Variants in RARS1 observed in about 807,000 individuals in gnomAD.
RARS1 encodes arginyl-tRNA synthetase 1, also known as arginine--tRNA ligase, cytoplasmic.
Under a neutral mutation model 78.7 loss-of-function variants are expected in RARS1, and 75 were observed. That is an observed-to-expected ratio of 0.95 (90% confidence interval 0.79 to 1.15). RARS1 has a LOEUF of 1.15. RARS1 is among the 50% of genes most tolerant of loss of function. The pLI is 0.00. For missense variants in RARS1, 787 were observed against 787.5 expected (o/e 1.00, Z 0.01); for synonymous variants, 273 against 268.2 (o/e 1.02, Z -0.18).
rs17633733 is a variant in RARS1, at chr5:168,500,536, A to T, written c.823-55A>T. 231,349 of 1,353,256 alleles carry T rather than the reference A, an allele frequency of 0.17. 21,409 individuals are homozygous for T. Among genetic ancestry groups the T allele is most frequent in the Non-Finnish European group, 0.19 (198,793 of 1,047,052 alleles). The allele number at this position is 1,353,256 out of a possible 1,614,324, so 83.8% of individuals were successfully genotyped here. ...AAATGTGTAAGTTCTTTTTCTAGAA[A>T]TACAGGATTAGATCTTTTTACACAC... On this transcript the variant is annotated intron_variant, in intron 7 of 14. Transcript: ENST00000231572.
rs1050741965 is a variant in RARS1 at position 168,514,631 on chromosome 5, A to C, written c.1453-2147A>C. The stretch of plus-strand genomic sequence containing the variant: ...CTTTCATTTAGTATCCCCAGATACT[A>C]ATATCTTTCATAGCTATATAGTATG... On this transcript the variant is annotated intron_variant, in intron 12 of 14. Coordinates refer to ENST00000231572, the MANE Select transcript of RARS1 (RefSeq NM_002887.4). Among the ~76,000 whole-genome samples the C allele has an allele frequency of 4.8e-4, 73 of 152,362 alleles. 1 individual carries two copies. The highest frequency in any genetic ancestry group is 1.7e-3 in the African/African-American group (69 of 41,584).
chr5:168,505,482 A>G (rs946766348), intron 9 of RARS1, among the ~76,000 whole-genome samples: 1 of 152,226 alleles, frequency 6.6e-6, no homozygotes, highest in Non-Finnish European at 1.5e-5. Context: ...GATCACTATA[A>G]GAATTGCAGC....
chr5:168,518,075 T>TTTTTTTTTTTTTTTTTTTG lies in RARS1; in HGVS notation c.1873+31_1873+32insGTTTTTTTTTTTTTTTTTT, dbSNP rs1758712117. On this transcript the variant is annotated intron_variant, in intron 14 of 14. Coordinates refer to ENST00000231572, the MANE Select transcript of RARS1 (RefSeq NM_002887.4). Reference sequence around the variant, plus strand: ...GATAGACAGACTGGTGAGTGTCTTTTTTTTTTTTTTTTTTTTTTTTAGTGA... The same window carrying TTTTTTTTTTTTTTTTTTTG: ...GATAGACAGACTGGTGAGTGTCTTTTTTTTTTTTTTTTTTTTTTGTTTTTTTTTTTTTTTTTTTTAGTGA... 2 of 1,068,910 alleles carry TTTTTTTTTTTTTTTTTTTG rather than the reference T, an allele frequency of 1.9e-6. 1 individual carries two copies. Among genetic ancestry groups the TTTTTTTTTTTTTTTTTTTG allele is most frequent in the Non-Finnish European group, 2.4e-6 (2 of 819,560 alleles). 66.2% of individuals were successfully genotyped at this position (1,068,910 alleles called of 1,614,324 possible). A position where few individuals can be genotyped will look rare whatever the true frequency, so the allele number is the denominator to read the frequency against.
At chr5:168,506,660 C>A in intron 10 of RARS1, 62 bp from the exon 11 acceptor site, 1 of 1,255,060 alleles carries the variant, frequency 8.0e-7, no homozygotes, top group Non-Finnish European at 1.1e-6. Flanking sequence ...AGCAAAAGAG[C>A]CTTAAGTCTT....
chr5:168,514,950 G>A (rs990711550), intron 12 of RARS1, among the ~76,000 whole-genome samples: 1 of 151,970 alleles, frequency 6.6e-6, no homozygotes, highest in East Asian at 1.9e-4. Flanking sequence ...TGTTAATTCT[G>A]TTTCCAGGTT....
At position 168,518,071 on chromosome 5, in the gene RARS1, CTTTTTTTTTTTTTTTT is replaced by C. The variant is rs747777615; in HGVS notation, c.1873+18_1873+33del. 139 of 748,146 alleles carry C rather than the reference CTTTTTTTTTTTTTTTT, an allele frequency of 1.9e-4. 4 individuals are homozygous for C. The African/African-American group carries it at 5.7e-3, about 31-fold the overall frequency. 46.3% of individuals were successfully genotyped at this position (748,146 alleles called of 1,614,324 possible). On this transcript the variant is annotated intron_variant, in intron 14 of 14. Transcript: ENST00000231572. ...GAAAGATAGACAGACTGGTGAGTGT[CTTTTTTTTTTTTTTTT>C]TTTTTTTTAGTGAGAGACACGGATC...
chr5:168,493,722 C>G (rs904707756), intron 3 of RARS1, among the ~76,000 whole-genome samples, 172 bp from the exon 4 acceptor site: 8 of 151,712 alleles, frequency 5.3e-5, no homozygotes, highest in African/African-American at 1.9e-4. Context: ...CTTTCTATGC[C>G]TCTTGGCACT....
At chr5:168,517,296 C>T (rs1354524671) in intron 13 of RARS1, among the ~76,000 whole-genome samples, 3 of 152,152 alleles carry the variant, frequency 2.0e-5, no homozygotes, top group Non-Finnish European at 2.9e-5. Context: ...GCACTCACCA[C>T]CATGCCCAGC....
intron 8 of RARS1, among the ~76,000 whole-genome samples, chr5:168,501,568 G>A (rs1234458635): frequency 6.6e-6 from 1 of 152,058 alleles, no homozygotes; most frequent in East Asian, 1.9e-4. Context: ...ACTAAAAGTG[G>A]AAAAATTAGC....
Position 168,488,737 on chromosome 5 carries a change from G to A in RARS1, c.180+1G>A, listed in dbSNP as rs887298502. ...GTATCGACTGAATATTCTTCGAAAG[G>A]TGAGTACTTTGGGTTCCAGTTTTAT... On this transcript the variant is annotated splice_donor_variant, in intron 2 of 14. Coordinates refer to ENST00000231572, the MANE Select transcript of RARS1 (RefSeq NM_002887.4). LOFTEE classifies it high-confidence loss of function. 1 of 1,598,090 alleles carries A rather than the reference G, an allele frequency of 6.3e-7. No individual in the cohort carries two copies. Among genetic ancestry groups the A allele is most frequent in the Non-Finnish European group, 8.5e-7 (1 of 1,174,916 alleles).
Position 168,486,514 on chromosome 5 carries a change from T to A in RARS1, c.16T>A (p.Ser6Thr), listed in dbSNP as rs1249113589. Reference protein sequence around the residue: MDVLVSECSARLLQQE... With the variant: MDVLVTECSARLLQQE... The stretch of plus-strand genomic sequence containing the variant: ...TGATGGGAGGATGGACGTACTGGTG[T>A]CTGAGTGCTCCGCGCGGCTGCTGCA... Residue 6 changes from serine to threonine, a missense_variant, in exon 1 of 15, where the codon TCT becomes ACT. Coordinates refer to ENST00000231572, the MANE Select transcript of RARS1 (RefSeq NM_002887.4). 6.4e-7 allele frequency: 1 copy of A among 1,559,016 alleles called. No individual in the cohort carries two copies. Among genetic ancestry groups the A allele is most frequent in the African/African-American group, 1.4e-5 (1 of 73,954 alleles).
At chr5:168,486,776 G>A (rs1008522674) in intron 1 of RARS1, among the ~76,000 whole-genome samples, 3 of 152,094 alleles carry the variant, frequency 2.0e-5, no homozygotes, top group Non-Finnish European at 4.4e-5. Flanking sequence ...CCTCTCCCAG[G>A]CCTCCCCCAA....
At chr5:168,501,638 G>A (rs1423148528) in intron 8 of RARS1, among the ~76,000 whole-genome samples, 3 of 152,102 alleles carry the variant, frequency 2.0e-5, no homozygotes, top group East Asian at 1.9e-4. Context: ...CAGGAGAATC[G>A]CTTGAACCCG....
In RARS1 at chr5:168,517,946, A is replaced by G. The variant is rs1758705102; in HGVS notation, c.1757A>G (p.Gln586Arg). 5 of 1,614,066 alleles carry G rather than the reference A, an allele frequency of 3.1e-6. No individual in the cohort carries two copies. The highest frequency in any genetic ancestry group is 3.4e-6 in the Non-Finnish European group (4 of 1,180,022). Residue 586 changes from glutamine to arginine, a missense_variant, in exon 14 of 15, where the codon CAA becomes CGA. Coordinates refer to ENST00000231572, the MANE Select transcript of RARS1 (RefSeq NM_002887.4). Reference protein sequence around the residue: ...RCILRFPEILQKILDDLFLHT... With the variant: ...RCILRFPEILRKILDDLFLHT... ...ATTTTACGGTTCCCTGAGATTCTGC[A>G]AAAGATTTTAGATGACTTATTTCTC...
chr5:168,502,541 G>C (rs531817074), intron 9 of RARS1, among the ~76,000 whole-genome samples: 2 of 143,416 alleles, frequency 1.4e-5, no homozygotes, highest in Non-Finnish European at 3.0e-5. Context: ...ATTAAATAGA[G>C]TTCAAATTTC....
chr5:168,514,750 T>C lies in RARS1; in HGVS notation c.1453-2028T>C, dbSNP rs1339801308. 2.6e-5 allele frequency among the ~76,000 whole-genome samples: 4 copies of C among 152,214 alleles called. No individual in the cohort carries two copies. The East Asian group carries it at 7.7e-4, about 29-fold the overall frequency. On this transcript the variant is annotated intron_variant, in intron 12 of 14. Transcript: ENST00000231572. The stretch of plus-strand genomic sequence containing the variant: ...TACAGTTGGTCTCACTAATGACCTT[T>C]TTCTAGTCTAAGATCCAGTCCAGGA...
chr5:168,506,480 A>G (rs1006673029), intron 10 of RARS1, among the ~76,000 whole-genome samples: 3 of 152,210 alleles, frequency 2.0e-5, no homozygotes, highest in African/African-American at 7.2e-5. Context: ...AAGTTTTTGC[A>G]TGTGACCCTG....
intron 6 of RARS1, among the ~76,000 whole-genome samples, chr5:168,496,378 CAAA>C (rs35365870): frequency 6.0e-5 from 7 of 116,016 alleles, no homozygotes; most frequent in Admixed American, 8.6e-5. Context: ...GACTCTCTGT[CAAA>C]AAAAAAAAAA....
intron 1 of RARS1, 68 bp downstream of exon 1, chr5:168,486,611 G>C: frequency 6.6e-7 from 1 of 1,511,932 alleles, no homozygotes; most frequent in Non-Finnish European, 9.0e-7. Context: ...CTGCCCAAGC[G>C]GCTTCGGGGG....
Sources: gnomAD v4.1 joint callset for allele counts (sites outside exome capture counted in the v4.1 genomes callset) on GRCh38, gnomAD v4.1.1 for gene constraint, MANE v1.5 for transcripts, NCBI Gene and HGNC (gene_info 2026-07-23, HGNC 2026-07-21) for gene names.